ATP8A2: variants seen among roughly 807,000 people sequenced by gnomAD.
ATP8A2 encodes the protein phospholipid-transporting ATPase IB.
Under a neutral mutation model 165.6 loss-of-function variants are expected in ATP8A2, and 100 were observed. That is an observed-to-expected ratio of 0.60 (90% CI 0.51 to 0.71). The LOEUF (loss-of-function observed/expected upper bound fraction) is 0.71. Ranked by LOEUF, ATP8A2 falls within the 30% of genes least tolerant of loss-of-function variation. ATP8A2 has a pLI of 0.00. For missense variants in ATP8A2, 1,227 were observed against 1,479.5 expected (o/e 0.83, Z 2.80); for synonymous variants, 543 against 548.8 (o/e 0.99, Z 0.15).
intron 33 of ATP8A2, among the ~76,000 whole-genome samples, chr13:25,874,865 A>G (rs1366734465): frequency 3.3e-5 from 5 of 151,478 alleles, no homozygotes; most frequent in African/African-American, 1.2e-4. Context: ...TATACACACA[A>G]TGGGATGTTA....
intron 1 of ATP8A2, among the ~76,000 whole-genome samples, chr13:25,455,150 G>T (rs1748577): frequency 1.3e-5 from 2 of 152,202 alleles, no homozygotes; most frequent in South Asian, 2.1e-4. Context: ...CCCTCACTGT[G>T]CCCCACAGCA....
chr13:25,981,695 G>A (rs1471611061), intron 35 of ATP8A2, among the ~76,000 whole-genome samples: 1 of 151,800 alleles, frequency 6.6e-6, no homozygotes, highest in African/African-American at 2.4e-5. Flanking sequence ...ATTTAAAAAC[G>A]AGTGGCTGAA....
At chr13:25,876,480 G>C (rs1952822836) in intron 33 of ATP8A2, among the ~76,000 whole-genome samples, 1 of 152,158 alleles carries the variant, frequency 6.6e-6, no homozygotes, top group African/African-American at 2.4e-5. Context: ...CTGTGATGGG[G>C]AAGGCCAGGT....
rs561215072 is a variant in ATP8A2 at position 25,461,965 on chromosome 13, AC to A, written c.77-7009del. Among the ~76,000 whole-genome samples the A allele has an allele frequency of 9.5e-4, 145 of 152,256 alleles. 2 individuals carry two copies. Among genetic ancestry groups the A allele is most frequent in the Non-Finnish European group, 1.0e-3 (68 of 68,022 alleles). ...TGACACTTTACAGAAAAATTTGCCA[AC>A]CCTTGATTTATGTAATCGATTTCTA... On this transcript the variant is annotated intron_variant, in intron 1 of 36. Coordinates refer to ENST00000381655, the MANE Select transcript of ATP8A2 (RefSeq NM_016529.6).
intron 25 of ATP8A2, among the ~76,000 whole-genome samples, chr13:25,715,308 G>A (rs2043233562): frequency 6.6e-6 from 1 of 152,136 alleles, no homozygotes; most frequent in Non-Finnish European, 1.5e-5. Flanking sequence ...GAATGATGTG[G>A]TCAGATTTGT....
At chr13:25,595,746 A>G (rs2040220530) in intron 24 of ATP8A2, among the ~76,000 whole-genome samples, 1 of 152,198 alleles carries the variant, frequency 6.6e-6, no homozygotes, top group African/African-American at 2.4e-5. Context: ...CTAATCGTAC[A>G]GAACCTGATA....
At chr13:25,479,988 T>C (rs947467438) in intron 2 of ATP8A2, among the ~76,000 whole-genome samples, 2 of 152,220 alleles carry the variant, frequency 1.3e-5, no homozygotes, top group African/African-American at 4.8e-5. Flanking sequence ...TCATGGCCCG[T>C]TCTCAATGAG....
At chr13:25,952,633 A>G (rs9553679) in intron 33 of ATP8A2, among the ~76,000 whole-genome samples, 72,379 of 151,888 alleles carry the variant, frequency 0.48, 20,031 homozygotes, top group East Asian at 0.81. Context: ...CAGCATCCCA[A>G]AGCGCTGGAA....
At chr13:25,436,067 C>CT (rs558553129) in intron 1 of ATP8A2, among the ~76,000 whole-genome samples, 74 of 142,328 alleles carry the variant, frequency 5.2e-4, no homozygotes, top group Admixed American at 9.9e-4. Flanking sequence ...AAAGCTTCAT[C>CT]TTTTTTTTTT....
intron 33 of ATP8A2, among the ~76,000 whole-genome samples, chr13:25,867,771 A>C (rs1952552716): frequency 6.6e-6 from 1 of 152,164 alleles, no homozygotes; most frequent in African/African-American, 2.4e-5. Context: ...TCCATGAAAG[A>C]GCTGGCTTTC....
chr13:25,721,629 C>T (rs2043383582), intron 25 of ATP8A2, among the ~76,000 whole-genome samples: 1 of 152,226 alleles, frequency 6.6e-6, no homozygotes, highest in Non-Finnish European at 1.5e-5. Flanking sequence ...TAAGCAGCCA[C>T]TTACCTACTT....
intron 25 of ATP8A2, among the ~76,000 whole-genome samples, chr13:25,765,027 A>G (rs1407160984): frequency 6.6e-6 from 1 of 152,260 alleles, no homozygotes; most frequent in African/African-American, 2.4e-5. Context: ...CACTAGTTCT[A>G]TAAAAGCAGT....
rs770830768 is a variant in ATP8A2 at position 25,538,075 on chromosome 13, G to C, written c.581+14G>C. Reference sequence around the variant, plus strand: ...GCTGTCATCCAGGTTAGCTGTGCTAGTAGGCACCTTTTTTGCAATAAATGT... The same window carrying C: ...GCTGTCATCCAGGTTAGCTGTGCTACTAGGCACCTTTTTTGCAATAAATGT... On this transcript the variant is annotated intron_variant, in intron 7 of 36. Transcript: ENST00000381655. 6.2e-7 allele frequency: 1 copy of C among 1,607,960 alleles called. No homozygotes were observed. Among genetic ancestry groups the C allele is most frequent in the African/African-American group, 1.3e-5 (1 of 74,774 alleles).
At chr13:26,011,807 C>T (rs890694927) in intron 35 of ATP8A2, among the ~76,000 whole-genome samples, 2 of 152,136 alleles carry the variant, frequency 1.3e-5, no homozygotes, top group Non-Finnish European at 2.9e-5. Context: ...TGGTGATGCA[C>T]ACCTGGGGTC....
At chr13:25,878,437 T>G (rs572754859) in intron 33 of ATP8A2, among the ~76,000 whole-genome samples, 1 of 103,148 alleles carries the variant, frequency 9.7e-6, no homozygotes, top group Admixed American at 1.1e-4. Context: ...AAGCAAGTTT[T>G]TTAAGAAAGT....
chr13:25,643,731 GGTTTT>G (rs567913077), intron 24 of ATP8A2, among the ~76,000 whole-genome samples: 69 of 150,276 alleles, frequency 4.6e-4, no homozygotes, highest in African/African-American at 1.7e-3. Context: ...TGATTGCTTT[GGTTTT>G]GTTTTGTTTT....
chr13:25,682,239 A>G (rs1442054624), intron 24 of ATP8A2, among the ~76,000 whole-genome samples: 2 of 151,986 alleles, frequency 1.3e-5, no homozygotes, highest in Admixed American at 6.6e-5. Flanking sequence ...CATCTTCTTG[A>G]CCTTCCACTC....
intron 33 of ATP8A2, among the ~76,000 whole-genome samples, chr13:25,884,904 G>A (rs1593502503): frequency 6.6e-6 from 1 of 152,170 alleles, no homozygotes; most frequent in East Asian, 1.9e-4. Context: ...CCCTCTCCTG[G>A]CCTCTGCCGA....
At chr13:25,429,030 CTA>C (rs546386332) in intron 1 of ATP8A2, among the ~76,000 whole-genome samples, 3,601 of 152,102 alleles carry the variant, frequency 0.024, 145 homozygotes, top group African/African-American at 0.082. Context: ...ATAGTGAGTG[CTA>C]TCTGCTGCCA....
Sources: allele counts gnomAD v4.1 joint callset (sites outside exome capture counted in the v4.1 genomes callset), GRCh38; gene constraint gnomAD v4.1.1; transcripts MANE v1.5; gene names NCBI Gene and HGNC (gene_info 2026-07-23, HGNC 2026-07-21).